Variants in EXTL3 observed in about 807,000 individuals in gnomAD.
EXTL3 encodes the protein exostosin-like 3.
EXTL3 carries 27 observed loss-of-function variants against 69.3 expected under a neutral mutation model. The ratio of observed to expected loss-of-function variants is 0.39; its 90% confidence interval spans 0.29 to 0.54. The LOEUF is 0.54. EXTL3 is among the 20% of genes least tolerant of loss of function. The pLI is 0.69. For synonymous variants in EXTL3, 511 were observed against 499.4 expected (o/e 1.02, Z -0.31); for missense variants, 1,003 against 1,231.8 (o/e 0.81, Z 2.78).
At chr8:28,743,976 G>A (rs1801832283) in intron 6 of EXTL3, 1 of 152,604 alleles carries the variant, frequency 6.6e-6, no homozygotes, top group Admixed American at 6.5e-5. Flanking sequence ...GGGTATTGTT[G>A]TGTTTTTTTC....
At chr8:28,635,122 C>T (rs759763637) in intron 1 of EXTL3, among the ~76,000 whole-genome samples, 2 of 152,020 alleles carry the variant, frequency 1.3e-5, no homozygotes, top group Non-Finnish European at 1.5e-5. Context: ...ACTAGAAATT[C>T]CTCAATAAAA....
chr8:28,691,756 G>C (rs912749592), intron 1 of EXTL3, among the ~76,000 whole-genome samples: 2 of 151,952 alleles, frequency 1.3e-5, no homozygotes, highest in South Asian at 2.1e-4. Flanking sequence ...AATTAGCCAG[G>C]CGTGGTGGCG....
chr8:28,721,203 C>G (rs917596084), intron 3 of EXTL3, among the ~76,000 whole-genome samples: 3 of 152,196 alleles, frequency 2.0e-5, no homozygotes, highest in African/African-American at 4.8e-5. Context: ...TTGACTCAGA[C>G]TGAAAGCCCT....
chr8:28,736,702 C>G (rs997132902), intron 4 of EXTL3, among the ~76,000 whole-genome samples: 1 of 152,178 alleles, frequency 6.6e-6, no homozygotes, highest in African/African-American at 2.4e-5. Flanking sequence ...TATGTTCCTT[C>G]TCTGTAAAAG....
upstream of EXTL3, among the ~76,000 whole-genome samples, chr8:28,619,026 A>G (rs1473176233): frequency 7.3e-6 from 1 of 137,364 alleles, no homozygotes; most frequent in Non-Finnish European, 1.5e-5. Flanking sequence ...TGGGAGGCGG[A>G]GGTTGCAGTG....
upstream of EXTL3, among the ~76,000 whole-genome samples, chr8:28,619,263 T>G (rs1243246724): frequency 2.1e-4 from 10 of 47,178 alleles, 1 homozygote; most frequent in African/African-American, 7.5e-4. Context: ...ATTAGCTTAG[T>G]GATAAAAAAA....
chr8:28,653,322 T>C (rs1160781525), intron 1 of EXTL3, among the ~76,000 whole-genome samples: 1 of 152,236 alleles, frequency 6.6e-6, no homozygotes, highest in African/African-American at 2.4e-5. Flanking sequence ...CTGTGGATTG[T>C]GTTTTTACTC....
chr8:28,620,870 C>T (rs1201205958), upstream of EXTL3, among the ~76,000 whole-genome samples: 1 of 152,160 alleles, frequency 6.6e-6, no homozygotes, highest in Non-Finnish European at 1.5e-5. Context: ...TGGGCACCAT[C>T]ATGCCTGGAT....
chr8:28,662,189 C>T (rs1807127500), intron 1 of EXTL3, among the ~76,000 whole-genome samples: 1 of 151,888 alleles, frequency 6.6e-6, no homozygotes, highest in Non-Finnish European at 1.5e-5. Context: ...CCTGGACAAG[C>T]TCTCCTTGAA....
upstream of EXTL3, chr8:28,697,035 T>C (rs1800696037): frequency 1.3e-5 from 2 of 152,230 alleles, no homozygotes; most frequent in East Asian, 1.9e-4. Flanking sequence ...TGTAACTGAA[T>C]TGATGGTCAC....
chr8:28,619,673 T>C (rs1364657024), upstream of EXTL3, among the ~76,000 whole-genome samples: 2 of 151,932 alleles, frequency 1.3e-5, no homozygotes, highest in Non-Finnish European at 2.9e-5. Context: ...CCCTGTTAAC[T>C]CAGTCACCTG....
intron 1 of EXTL3, among the ~76,000 whole-genome samples, chr8:28,676,201 C>A (rs2130651403): frequency 6.6e-6 from 1 of 152,134 alleles, no homozygotes; most frequent in East Asian, 1.9e-4. Flanking sequence ...GTGCAATTGT[C>A]ATTTGAGGCC....
At chr8:28,720,235 T>A (rs1448302515) in intron 3 of EXTL3, among the ~76,000 whole-genome samples, 1 of 152,184 alleles carries the variant, frequency 6.6e-6, no homozygotes, top group Non-Finnish European at 1.5e-5. Flanking sequence ...AGGGCACTAC[T>A]GTGATACACC....
At chr8:28,636,603 T>C (rs1049319799) in intron 1 of EXTL3, among the ~76,000 whole-genome samples, 1 of 152,132 alleles carries the variant, frequency 6.6e-6, no homozygotes, top group African/African-American at 2.4e-5. Flanking sequence ...TTTGAGTTGG[T>C]TTTTTCATGC....
chr8:28,702,012 G>T (rs1181428101), intron 1 of EXTL3, among the ~76,000 whole-genome samples: 2 of 151,954 alleles, frequency 1.3e-5, no homozygotes, highest in African/African-American at 4.8e-5. Flanking sequence ...ACGCTCGGCT[G>T]CAGCTGTTGG....
chr8:28,739,464 C>T (rs951859636), intron 5 of EXTL3, among the ~76,000 whole-genome samples: 2 of 152,042 alleles, frequency 1.3e-5, no homozygotes, highest in Non-Finnish European at 2.9e-5. Context: ...GTAGCTGGGA[C>T]TACAGGCACG....
intron 3 of EXTL3, among the ~76,000 whole-genome samples, chr8:28,720,312 A>C (rs1331956051): frequency 1.3e-5 from 2 of 152,198 alleles, no homozygotes; most frequent in Admixed American, 1.3e-4. Context: ...ATTTTTATAA[A>C]TTTAGCACCA....
At chr8:28,618,592 C>CT (rs1472712714), upstream of EXTL3, among the ~76,000 whole-genome samples, 1 of 152,124 alleles carries the variant, frequency 6.6e-6, no homozygotes, top group Non-Finnish European at 1.5e-5. Context: ...AGCAAGGTTT[C>CT]TAAGCAGGAA....
At chr8:28,637,063 A>T (rs1483133790) in intron 1 of EXTL3, among the ~76,000 whole-genome samples, 2 of 152,148 alleles carry the variant, frequency 1.3e-5, no homozygotes, top group Non-Finnish European at 2.9e-5. Context: ...ACATAGTGTT[A>T]TATCAGCCAA....
Sources: gnomAD v4.1 joint callset for allele counts (sites outside exome capture counted in the v4.1 genomes callset) on GRCh38, gnomAD v4.1.1 for gene constraint, MANE v1.5 for transcripts, NCBI Gene and HGNC (gene_info 2026-07-23, HGNC 2026-07-21) for gene names.